The following MAF variants were observed in gnomAD, a reference collection of about 807,000 sequenced individuals.
MAF encodes MAF bZIP transcription factor, also known as transcription factor Maf.
Under a neutral mutation model 22.0 loss-of-function variants are expected in MAF, and 10 were observed. The ratio of observed to expected loss-of-function variants is 0.45; its 90% CI spans 0.28 to 0.77. The LOEUF (loss-of-function observed/expected upper bound fraction) is 0.77, where lower values mean the gene tolerates loss of function less well. Ranked by LOEUF, MAF falls within the 30% of genes least tolerant of loss-of-function variation. The pLI is 0.12. For missense variants in MAF, 544 were observed against 548.4 expected (o/e 0.99, Z 0.08); for synonymous variants, 337 against 255.8 (o/e 1.32, Z -3.03).
chr16:79,404,986 G>C, the MAF span, among the ~76,000 whole-genome samples: 2 of 152,000 alleles, frequency 1.3e-5, no homozygotes, highest in Non-Finnish European at 2.9e-5. Flanking sequence ...GGTTAGTACC[G>C]AACCACACAG....
Position 79,600,603 on chromosome 16 carries a change from T to C in MAF, c.-701A>G, listed in dbSNP as rs962242196. ...AGTTTAGTTCTTTCTTGCCTTTTTT[T>C]AAAAAAGCAAAATAGCGAAGTCCTG... On this transcript the variant is annotated 5_prime_UTR_variant, in exon 1 of 2. Coordinates refer to ENST00000326043, the MANE Select transcript of MAF (RefSeq NM_005360.5). The C allele has an allele frequency of 5.1e-6, 1 of 195,442 alleles. No individual in the cohort carries two copies. Among genetic ancestry groups the C allele is most frequent in the Non-Finnish European group, 1.2e-5 (1 of 85,056 alleles). The allele number at this position is 195,442 out of a possible 1,614,324, so 12.1% of individuals were successfully genotyped here.
At chr16:79,231,192 C>T in the MAF span, among the ~76,000 whole-genome samples, 21 of 152,006 alleles carry the variant, frequency 1.4e-4, no homozygotes, top group African/African-American at 4.1e-4. Flanking sequence ...CAAAGTCACT[C>T]TTTGCCAATG....
At chr16:79,234,763 G>A in the MAF span, among the ~76,000 whole-genome samples, 1 of 152,246 alleles carries the variant, frequency 6.6e-6, no homozygotes, top group Non-Finnish European at 1.5e-5. Flanking sequence ...ACAGTGGGGA[G>A]TGGCTCCCCT....
At chr16:79,536,709 T>A in the MAF span, among the ~76,000 whole-genome samples, 3 of 152,312 alleles carry the variant, frequency 2.0e-5, no homozygotes, top group South Asian at 2.1e-4. Flanking sequence ...ACTAAACACA[T>A]AGAGAACTTT....
the MAF span, among the ~76,000 whole-genome samples, chr16:79,437,918 C>G: frequency 6.6e-6 from 1 of 152,144 alleles, no homozygotes; most frequent in Non-Finnish European, 1.5e-5. Context: ...CGGGAGGTTT[C>G]CGCCTCTGCA....
At chr16:79,212,318 A>C in the MAF span, 2 of 827,772 alleles carry the variant, frequency 2.4e-6, no homozygotes, top group Admixed American at 6.0e-5. Flanking sequence ...GACAAATCTC[A>C]GAACCTTGTC....
the MAF span, among the ~76,000 whole-genome samples, chr16:79,514,427 G>C: frequency 2.0e-5 from 3 of 152,202 alleles, no homozygotes; most frequent in Admixed American, 2.0e-4. Context: ...AATATTCACA[G>C]AATGGGTGCA....
the MAF span, among the ~76,000 whole-genome samples, chr16:79,247,516 A>G: frequency 1.3e-5 from 2 of 152,126 alleles, no homozygotes; most frequent in Non-Finnish European, 2.9e-5. Context: ...GAGCTTTGTG[A>G]AATTAGGCAC....
chr16:79,370,100 T>C, the MAF span, among the ~76,000 whole-genome samples: 2 of 152,120 alleles, frequency 1.3e-5, no homozygotes, highest in Admixed American at 6.6e-5. Flanking sequence ...GCAAAGGATG[T>C]TTCTCTCCTC....
the MAF span, among the ~76,000 whole-genome samples, chr16:79,400,811 C>G: frequency 6.6e-6 from 1 of 152,180 alleles, no homozygotes; most frequent in South Asian, 2.1e-4. Context: ...CTACAGCAGT[C>G]GACTTTCAAC....
the MAF span, among the ~76,000 whole-genome samples, chr16:79,230,711 C>G: frequency 6.6e-6 from 1 of 152,040 alleles, no homozygotes; most frequent in African/African-American, 2.4e-5. Context: ...CTACCAATTC[C>G]ATTTTCGCAT....
the MAF span, among the ~76,000 whole-genome samples, chr16:79,512,847 G>T: frequency 2.0e-5 from 3 of 152,176 alleles, no homozygotes; most frequent in Non-Finnish European, 4.4e-5. Flanking sequence ...CAGAGCCCAG[G>T]GCCGTGGGCA....
chr16:79,323,076 G>T, the MAF span, among the ~76,000 whole-genome samples: 4 of 147,032 alleles, frequency 2.7e-5, no homozygotes, highest in African/African-American at 5.1e-5. Context: ...TGTGAACCTG[G>T]GAGGCAGAGC....
At chr16:79,472,242 A>AGAGACCCAGCAATTCCACTCCT in the MAF span, among the ~76,000 whole-genome samples, 4 of 152,234 alleles carry the variant, frequency 2.6e-5, no homozygotes, top group Non-Finnish European at 2.9e-5. Context: ...AAATGCCATT[A>AGAGACCCAGCAATTCCACTCCT]GAGACCCAGC....
chr16:79,593,873 T>C lies in MAF; in HGVS notation c.*587A>G, dbSNP rs543815621. 1 of 187,398 alleles carries C rather than the reference T, an allele frequency of 5.3e-6. No individual in the cohort carries two copies. Among genetic ancestry groups the C allele is most frequent in the Non-Finnish European group, 1.1e-5 (1 of 88,694 alleles). The allele number at this position is 187,398 out of a possible 1,614,324, so 11.6% of individuals were successfully genotyped here. A position where few individuals can be genotyped will look rare whatever the true frequency, so the allele number is the denominator to read the frequency against. On this transcript the variant is annotated 3_prime_UTR_variant, in exon 2 of 2. Coordinates refer to ENST00000326043, the MANE Select transcript of MAF (RefSeq NM_005360.5). Reference sequence around the variant, plus strand: ...TAACTTTGTATTTTGCCACACATTGTTTTCATTTACAGCTATGTCTGACAA... The same window carrying C: ...TAACTTTGTATTTTGCCACACATTGCTTTCATTTACAGCTATGTCTGACAA...
chr16:79,482,220 T>C, the MAF span, among the ~76,000 whole-genome samples: 13 of 152,240 alleles, frequency 8.5e-5, no homozygotes, highest in Non-Finnish European at 1.5e-4. Flanking sequence ...ACCACAGTCA[T>C]ATGACAGTTT....
chr16:79,269,934 G>A, the MAF span, among the ~76,000 whole-genome samples: 1 of 152,174 alleles, frequency 6.6e-6, no homozygotes, highest in Non-Finnish European at 1.5e-5. Flanking sequence ...CTAGAAGCAA[G>A]CTATGGAGAC....
At chr16:79,252,369 C>T in the MAF span, among the ~76,000 whole-genome samples, 4 of 151,658 alleles carry the variant, frequency 2.6e-5, no homozygotes, top group African/African-American at 9.7e-5. Context: ...AAAATATTCT[C>T]TTTCCCCTCA....
chr16:79,547,771 A>C, the MAF span, among the ~76,000 whole-genome samples: 1 of 152,164 alleles, frequency 6.6e-6, no homozygotes, highest in African/African-American at 2.4e-5. Flanking sequence ...TCACATGAAA[A>C]TAAGTCCAAT....
Sources: gnomAD v4.1 joint callset for allele counts (sites outside exome capture counted in the v4.1 genomes callset) on GRCh38, gnomAD v4.1.1 for gene constraint, MANE v1.5 for transcripts, NCBI Gene and HGNC (gene_info 2026-07-23, HGNC 2026-07-21) for gene names.